Variants in AIF1L observed in about 807,000 individuals in gnomAD.
AIF1L encodes allograft inflammatory factor 1-like.
A neutral mutation model predicts 20.7 loss-of-function variants in AIF1L; 12 were observed. That is an observed-to-expected ratio of 0.58 (90% CI 0.37 to 0.94). AIF1L has a LOEUF of 0.94. Among genes scored for constraint, AIF1L ranks in the 40% least tolerant of loss-of-function variants. The pLI, the probability that AIF1L is intolerant of heterozygous loss-of-function variation, is 0.01. For synonymous variants in AIF1L, 76 were observed against 65.1 expected (o/e 1.17, Z -0.81); for missense variants, 173 against 185.3 (o/e 0.93, Z 0.39).
intron 3 of AIF1L, among the ~76,000 whole-genome samples, chr9:131,112,716 A>C (rs1000976970): frequency 4.6e-5 from 7 of 152,104 alleles, no homozygotes; most frequent in Non-Finnish European, 1.0e-4. Flanking sequence ...TTACGCTATG[A>C]TGCTTTTTAC....
chr9:131,108,362 G>C (rs768956175), intron 2 of AIF1L, among the ~76,000 whole-genome samples: 4 of 152,006 alleles, frequency 2.6e-5, no homozygotes, highest in Admixed American at 2.0e-4. Context: ...CCCATGCCCG[G>C]CTAATTTTTG....
intron 2 of AIF1L, among the ~76,000 whole-genome samples, chr9:131,109,890 T>C (rs1468897404): frequency 6.6e-6 from 1 of 152,078 alleles, no homozygotes; most frequent in Non-Finnish European, 1.5e-5. Flanking sequence ...AGCCTCAGTT[T>C]CCTCACCTGC....
intron 2 of AIF1L, among the ~76,000 whole-genome samples, chr9:131,110,038 T>C (rs906846247): frequency 1.3e-5 from 2 of 152,090 alleles, no homozygotes; most frequent in Admixed American, 1.3e-4. Flanking sequence ...AGTGAAACCC[T>C]GTCTCTACAA....
At chr9:131,118,014 G>A (rs1009552084) in intron 5 of AIF1L, 96 bp downstream of exon 5, 1 of 1,351,864 alleles carries the variant, frequency 7.4e-7, no homozygotes. Context: ...TCCCCACCTA[G>A]TAGGTAACTC....
At chr9:131,113,364 G>T (rs918563148) in intron 3 of AIF1L, among the ~76,000 whole-genome samples, 3 of 151,954 alleles carry the variant, frequency 2.0e-5, no homozygotes, top group Non-Finnish European at 4.4e-5. Context: ...TGTATGTGGT[G>T]GTGGGTGCCT....
chr9:131,115,423 C>A (rs1489725506), intron 4 of AIF1L, among the ~76,000 whole-genome samples: 2 of 114,170 alleles, frequency 1.8e-5, no homozygotes, highest in Admixed American at 1.4e-4. Context: ...GCACTCCAGC[C>A]TGGGTGACAG....
At position 131,120,931 on chromosome 9, in the gene AIF1L, C is replaced by T. The variant is rs1831123566; in HGVS notation, c.*609C>T. 2.0e-6 allele frequency: 1 copy of T among 497,876 alleles called. No individual in the cohort carries two copies. Among genetic ancestry groups the T allele is most frequent in the Non-Finnish European group, 3.6e-6 (1 of 274,716 alleles). 30.8% of individuals were successfully genotyped at this position (497,876 alleles called of 1,614,324 possible). A position where few individuals can be genotyped will look rare whatever the true frequency, so the allele number is the denominator to read the frequency against. On this transcript the variant is annotated 3_prime_UTR_variant, in exon 6 of 6. Transcript: ENST00000247291. ...AGGAAAGGAGCTTGGCATTGGGAGC[C>T]CTTCAAGAAGGTACCAGAAGGAACC...
rs1196102250 is a variant in AIF1L, at chr9:131,111,638, T to A, written c.135T>A (p.Leu45=). ...AGAAGTACAGTGATGAAGAGAACCT[T>A]CCAGAAAAGCTCACAGCCTTCAAAG... The part of the protein sequence containing the change: ...CDQKYSDEEN[L]PEKLTAFKEK... Residue 45 remains leucine, a synonymous_variant, in exon 3 of 6, where the codon CTT becomes CTA. Coordinates refer to ENST00000247291, the MANE Select transcript of AIF1L (RefSeq NM_031426.4). 5.6e-6 allele frequency: 9 copies of A among 1,614,016 alleles called. No individual in the cohort carries two copies. In the East Asian group the frequency reaches 2.0e-4, roughly 36 times the overall value.
chr9:131,106,166 C>T, intron 2 of AIF1L: 1 of 1,530,132 alleles, frequency 6.5e-7, no homozygotes, highest in East Asian at 2.5e-5. Flanking sequence ...GAGCTGCCTC[C>T]TGATACCCAC....
At position 131,096,622 on chromosome 9, in the gene AIF1L, C is replaced by T; in HGVS notation, c.-8C>T. ...AAGCCTGGAGCCGGCGGGAGCCCCGCGCTCGCCATGTCGGGCGAGCTCAGC... is the reference window on the plus strand; with the variant it reads ...AAGCCTGGAGCCGGCGGGAGCCCCGTGCTCGCCATGTCGGGCGAGCTCAGC... On this transcript the variant is annotated 5_prime_UTR_variant, in exon 1 of 6. Coordinates refer to ENST00000247291, the MANE Select transcript of AIF1L (RefSeq NM_031426.4). The T allele has an allele frequency of 6.7e-7, 1 of 1,484,348 alleles. No individual in the cohort carries two copies. Among genetic ancestry groups the T allele is most frequent in the Non-Finnish European group, 8.9e-7 (1 of 1,125,612 alleles). 91.9% of individuals were successfully genotyped at this position (1,484,348 alleles called of 1,614,324 possible).
At position 131,096,657 on chromosome 9, in the gene AIF1L, C is replaced by G; in HGVS notation, c.28C>G (p.Gln10Glu). 1 of 1,482,054 alleles carries G rather than the reference C, an allele frequency of 6.7e-7. No homozygotes were observed. Among genetic ancestry groups the G allele is most frequent in the Non-Finnish European group, 8.9e-7 (1 of 1,124,074 alleles). 91.8% of individuals were successfully genotyped at this position (1,482,054 alleles called of 1,614,324 possible). MSGELSNRF[Q>E]GGKAFGLLKA... Reference sequence around the variant, plus strand: ...GTCGGGCGAGCTCAGCAACAGGTTCCAAGGTAGGCGCCGCCGTCCCCGAGC... The same window carrying G: ...GTCGGGCGAGCTCAGCAACAGGTTCGAAGGTAGGCGCCGCCGTCCCCGAGC... Residue 10 changes from glutamine to glutamate, a missense_variant, in exon 1 of 6, where the codon CAA becomes GAA. Physicochemically the swap from Gln to Glu is conservative, Grantham distance 29 (BLOSUM62 2). Coordinates refer to ENST00000247291, the MANE Select transcript of AIF1L (RefSeq NM_031426.4).
chr9:131,117,233 G>A (rs975447149), intron 4 of AIF1L, among the ~76,000 whole-genome samples: 4 of 152,306 alleles, frequency 2.6e-5, no homozygotes, highest in East Asian at 3.9e-4. Context: ...GGAGTGGCAC[G>A]TGGGGAGAAG....
At chr9:131,103,388 C>T (rs1830679793) in intron 2 of AIF1L, among the ~76,000 whole-genome samples, 1 of 152,034 alleles carries the variant, frequency 6.6e-6, no homozygotes, top group Non-Finnish European at 1.5e-5. Context: ...ATGTTCTTTC[C>T]CTGCCCTTCC....
intron 2 of AIF1L, among the ~76,000 whole-genome samples, chr9:131,104,807 C>T (rs991236870): frequency 1.3e-5 from 2 of 151,598 alleles, no homozygotes; most frequent in South Asian, 2.1e-4. Context: ...CTGAGATGGG[C>T]GGACTGCTTG....
chr9:131,102,976 G>A (rs2133378172), intron 2 of AIF1L: 1 of 456,426 alleles, frequency 2.2e-6, no homozygotes, highest in South Asian at 1.5e-5. Context: ...GGGTTCGCCA[G>A]AAGGTGCTAG....
intron 2 of AIF1L, among the ~76,000 whole-genome samples, chr9:131,100,966 C>G (rs1238702262): frequency 6.6e-6 from 1 of 152,126 alleles, no homozygotes; most frequent in South Asian, 2.1e-4. Flanking sequence ...GGCGTGATCT[C>G]GGCTCACTGC....
At position 131,120,894 on chromosome 9, in the gene AIF1L, G is replaced by A; in HGVS notation, c.*572G>A. ...CACACCTCTTCTCATCCTCAGTGAT[G>A]TGAAGGTGGGAAGGAAAGGAGCTTG... On this transcript the variant is annotated 3_prime_UTR_variant, in exon 6 of 6. Transcript: ENST00000247291. The A allele has an allele frequency of 2.0e-6, 1 of 496,086 alleles. No homozygotes were observed. Among genetic ancestry groups the A allele is most frequent in the Non-Finnish European group, 3.6e-6 (1 of 276,820 alleles). The allele number at this position is 496,086 out of a possible 1,614,324, so 30.7% of individuals were successfully genotyped here.
intron 2 of AIF1L, among the ~76,000 whole-genome samples, chr9:131,097,377 G>T (rs1420308796): frequency 6.6e-6 from 1 of 152,124 alleles, no homozygotes; most frequent in Non-Finnish European, 1.5e-5. Flanking sequence ...GTGCCCCCAC[G>T]CCTGGCCTTA....
At chr9:131,109,053 G>T (rs973583779) in intron 2 of AIF1L, among the ~76,000 whole-genome samples, 2 of 152,172 alleles carry the variant, frequency 1.3e-5, no homozygotes, top group Non-Finnish European at 2.9e-5. Context: ...ATTAATGTGG[G>T]TGACATTGCA....
Sources: gnomAD v4.1 joint callset for allele counts (sites outside exome capture counted in the v4.1 genomes callset) on GRCh38, gnomAD v4.1.1 for gene constraint, MANE v1.5 for transcripts, NCBI Gene and HGNC (gene_info 2026-07-23, HGNC 2026-07-21) for gene names.